Variants in RBMS3 observed in about 807,000 individuals in gnomAD.
The protein encoded by RBMS3 is RNA-binding motif, single-stranded-interacting protein 3.
Under a neutral mutation model 66.8 loss-of-function variants are expected in RBMS3, and 27 were observed. That is an observed-to-expected ratio of 0.40 (90% CI 0.30 to 0.56). The LOEUF (loss-of-function observed/expected upper bound fraction) is 0.56, where lower values mean the gene tolerates loss of function less well. RBMS3 is among the 20% of genes least tolerant of loss of function. The pLI is 0.40. For synonymous variants in RBMS3, 188 were observed against 183.0 expected (o/e 1.03, Z -0.22); for missense variants, 513 against 549.5 (o/e 0.93, Z 0.66).
At chr3:29,295,515 C>T (rs1312166993) in intron 1 of RBMS3, among the ~76,000 whole-genome samples, 2 of 151,112 alleles carry the variant, frequency 1.3e-5, no homozygotes, top group Non-Finnish European at 3.0e-5. Context: ...CACAGGTCTT[C>T]AAGAGCTCTC....
At position 29,700,685 on chromosome 3, in the gene RBMS3, T is replaced by C. The variant is rs74519311; in HGVS notation, c.400-39035T>C. Reference sequence around the variant, plus strand: ...AATTATTTCAGACTTTTTTTTTTTTTCAGGAAAGTGAAGACAAGCTATAAT... The same window carrying C: ...AATTATTTCAGACTTTTTTTTTTTTCCAGGAAAGTGAAGACAAGCTATAAT... On this transcript the variant is annotated intron_variant, in intron 4 of 14. Transcript: ENST00000383767. Among the ~76,000 whole-genome samples the C allele has an allele frequency of 5.9e-4, 89 of 151,426 alleles. 1 individual carries two copies. The highest frequency in any genetic ancestry group is 2.0e-3 in the African/African-American group (83 of 41,082).
At chr3:29,421,099 C>A (rs1263199597) in intron 1 of RBMS3, among the ~76,000 whole-genome samples, 1 of 150,492 alleles carries the variant, frequency 6.6e-6, no homozygotes, top group Non-Finnish European at 1.5e-5. Context: ...GGCAACAGAG[C>A]GAGAGTCTGT....
intron 3 of RBMS3, among the ~76,000 whole-genome samples, chr3:29,581,250 TAAAAG>T (rs1475718515): frequency 6.6e-6 from 1 of 152,212 alleles, no homozygotes. Context: ...CTTGTTGTTT[TAAAAG>T]AAAAGTTGCA....
At chr3:29,611,782 T>C (rs2048501133) in intron 4 of RBMS3, among the ~76,000 whole-genome samples, 1 of 151,992 alleles carries the variant, frequency 6.6e-6, no homozygotes, top group African/African-American at 2.4e-5. Context: ...AAAAAAAAAC[T>C]AAAAGTTTTT....
chr3:29,724,235 C>G (rs2053762459), intron 4 of RBMS3, among the ~76,000 whole-genome samples: 1 of 152,072 alleles, frequency 6.6e-6, no homozygotes, highest in Non-Finnish European at 1.5e-5. Flanking sequence ...ATGAGGAACA[C>G]AATGGGACAC....
chr3:29,683,256 A>G (rs765573213), intron 4 of RBMS3, among the ~76,000 whole-genome samples: 1 of 152,188 alleles, frequency 6.6e-6, no homozygotes, highest in Non-Finnish European at 1.5e-5. Flanking sequence ...CAATGACTCA[A>G]TTTTCAAAGC....
At chr3:29,882,489 C>A (rs923709436) in intron 7 of RBMS3, among the ~76,000 whole-genome samples, 10 of 152,058 alleles carry the variant, frequency 6.6e-5, no homozygotes, top group Admixed American at 3.9e-4. Flanking sequence ...CCTCTGTTAA[C>A]TTCTGACAGT....
intron 1 of RBMS3, among the ~76,000 whole-genome samples, chr3:29,328,949 T>TGAA (rs1304778273): frequency 6.6e-6 from 1 of 152,044 alleles, no homozygotes; most frequent in African/African-American, 2.4e-5. Flanking sequence ...TGTTCAGATG[T>TGAA]GAAAACACTC....
intron 6 of RBMS3, among the ~76,000 whole-genome samples, chr3:29,855,769 T>C (rs1033024573): frequency 4.6e-5 from 7 of 152,232 alleles, no homozygotes; most frequent in African/African-American, 1.7e-4. Context: ...TGCTTTGCTG[T>C]TGTGGAGCCA....
chr3:29,663,886 G>C (rs527687298), intron 4 of RBMS3, among the ~76,000 whole-genome samples: 4 of 152,262 alleles, frequency 2.6e-5, no homozygotes, highest in African/African-American at 9.6e-5. Context: ...GTGCCTGGAG[G>C]AGCAGGAACT....
chr3:29,463,552 A>C (rs1307693704), intron 2 of RBMS3, among the ~76,000 whole-genome samples: 5 of 151,942 alleles, frequency 3.3e-5, no homozygotes, highest in African/African-American at 1.2e-4. Flanking sequence ...CTTCGGTTAC[A>C]AAAAATACAG....
intron 1 of RBMS3, 140 bp from the exon 2 acceptor site, chr3:29,434,603 G>T: frequency 8.4e-7 from 1 of 1,183,692 alleles, no homozygotes; most frequent in Non-Finnish European, 1.2e-6. Context: ...GCAACAGAGA[G>T]TAGTGATATA....
chr3:29,713,829 T>C (rs1379345555), intron 4 of RBMS3, among the ~76,000 whole-genome samples: 2 of 151,966 alleles, frequency 1.3e-5, no homozygotes, highest in African/African-American at 4.8e-5. Context: ...CCGAAGTGGG[T>C]AGATCACTTA....
chr3:29,674,884 A>G, intron 4 of RBMS3, among the ~76,000 whole-genome samples: 1 of 152,186 alleles, frequency 6.6e-6, no homozygotes, highest in African/African-American at 2.4e-5. Context: ...TACTTTCTTC[A>G]CAGAATTGGA....
At chr3:29,840,177 T>C (rs965725388) in intron 6 of RBMS3, among the ~76,000 whole-genome samples, 2 of 152,050 alleles carry the variant, frequency 1.3e-5, no homozygotes, top group Non-Finnish European at 2.9e-5. Context: ...CAAATTTTTG[T>C]TCTCAGGTCT....
intron 2 of RBMS3, among the ~76,000 whole-genome samples, chr3:29,485,042 T>C (rs1476486155): frequency 6.6e-6 from 1 of 152,168 alleles, no homozygotes; most frequent in Non-Finnish European, 1.5e-5. Flanking sequence ...ATCCCACCAA[T>C]TTGATGTCTT....
intron 4 of RBMS3, among the ~76,000 whole-genome samples, chr3:29,625,700 G>GTAAATAAATAAATAAA (rs35124957): frequency 3.6e-5 from 5 of 139,996 alleles, no homozygotes; most frequent in African/African-American, 8.3e-5. Flanking sequence ...CGCCATTAAA[G>GTAAATAAATAAATAAA]TAAATAAATA....
At chr3:29,281,977 G>A (rs1227520542) in intron 1 of RBMS3, among the ~76,000 whole-genome samples, 1 of 152,150 alleles carries the variant, frequency 6.6e-6, no homozygotes, top group Non-Finnish European at 1.5e-5. Context: ...AGAGATAATA[G>A]TTTCACTTGA....
intron 2 of RBMS3, among the ~76,000 whole-genome samples, chr3:29,460,775 G>A (rs1439322678): frequency 6.6e-6 from 1 of 152,218 alleles, no homozygotes; most frequent in Non-Finnish European, 1.5e-5. Context: ...AGACAATGGA[G>A]ATGTGGGAAC....
Sources: allele counts gnomAD v4.1 joint callset (sites outside exome capture counted in the v4.1 genomes callset), GRCh38; gene constraint gnomAD v4.1.1; transcripts MANE v1.5; gene names NCBI Gene and HGNC (gene_info 2026-07-23, HGNC 2026-07-21).